CNTNAP5: variants seen among roughly 807,000 people sequenced by gnomAD.
CNTNAP5 encodes the protein contactin associated protein family member 5.
A neutral mutation model predicts 150.2 loss-of-function variants in CNTNAP5; 72 were observed. That is an observed-to-expected ratio of 0.48 (90% CI 0.40 to 0.58). CNTNAP5 has a LOEUF of 0.58. CNTNAP5 is among the 20% of genes least tolerant of loss of function. CNTNAP5 has a pLI of 0.00. For missense variants in CNTNAP5, 1,636 were observed against 1,626.2 expected (o/e 1.01, Z -0.10); for synonymous variants, 672 against 619.8 (o/e 1.08, Z -1.25).
chr2:124,776,050 C>T (rs1269721337), intron 17 of CNTNAP5, among the ~76,000 whole-genome samples: 1 of 152,256 alleles, frequency 6.6e-6, no homozygotes, highest in East Asian at 1.9e-4. Flanking sequence ...TGTAACTGAT[C>T]TTCTAAGGCT....
chr2:124,790,991 G>A (rs1034644312), intron 18 of CNTNAP5, among the ~76,000 whole-genome samples: 2 of 152,168 alleles, frequency 1.3e-5, no homozygotes, highest in African/African-American at 4.8e-5. Context: ...AGTAAATAAT[G>A]TAAACAATAT....
intron 11 of CNTNAP5, among the ~76,000 whole-genome samples, chr2:124,587,394 C>T (rs1351852852): frequency 3.3e-5 from 5 of 151,914 alleles, no homozygotes; most frequent in African/African-American, 9.7e-5. Flanking sequence ...ATTTTTTGCC[C>T]CAGAAGGAAG....
chr2:124,574,297 G>A (rs1696228116), intron 11 of CNTNAP5, among the ~76,000 whole-genome samples: 1 of 152,164 alleles, frequency 6.6e-6, no homozygotes, highest in South Asian at 2.1e-4. Context: ...CATGAATACT[G>A]TGTGGATTAT....
Position 124,510,477 on chromosome 2 carries a change from GTATATATATATATATATA to G in CNTNAP5, c.1327+5946_1327+5963del, listed in dbSNP as rs70996072. Reference sequence around the variant, plus strand: ...ACAAAAAAGTAAATTTTATGTATGTGTATATATATATATATATATATATATATATATATATATATATAC... The same window carrying G: ...ACAAAAAAGTAAATTTTATGTATGTGTATATATATATATATATATATATAC... On this transcript the variant is annotated intron_variant, in intron 8 of 23. Coordinates refer to ENST00000682447, the MANE Select transcript of CNTNAP5 (RefSeq NM_001367498.1). Among the ~76,000 whole-genome samples, 35 of 102,596 alleles carry G rather than the reference GTATATATATATATATATA, an allele frequency of 3.4e-4. 1 individual carries two copies. The highest frequency in any genetic ancestry group is 5.9e-4 in the African/African-American group (15 of 25,274). 67.3% of individuals were successfully genotyped at this position (102,596 alleles called of 152,430 possible).
chr2:124,914,228 C>T lies in CNTNAP5; in HGVS notation c.3864C>T (p.Phe1288=). ...KEYPENLDSS[F]RNEIDLQNTV... Reference sequence around the variant, plus strand: ...ATCCAGAAAATTTGGACAGTTCCTTCAGAAATGAAATTGACTTGCAAAACA... The same window carrying T: ...ATCCAGAAAATTTGGACAGTTCCTTTAGAAATGAAATTGACTTGCAAAACA... The change falls in exon 24 of 24, where the codon TTC becomes TTT. Residue 1288 remains phenylalanine (F), a synonymous_variant. Coordinates refer to ENST00000682447, the MANE Select transcript of CNTNAP5 (RefSeq NM_001367498.1). 6.2e-7 allele frequency: 1 copy of T among 1,612,512 alleles called. No homozygotes were observed.
chr2:124,052,292 T>C, intron 1 of CNTNAP5, among the ~76,000 whole-genome samples: 1 of 152,184 alleles, frequency 6.6e-6, no homozygotes, highest in East Asian at 1.9e-4. Context: ...TAGTATTGAC[T>C]GAAAGACCAA....
At chr2:124,377,693 G>T (rs78313552) in intron 3 of CNTNAP5, among the ~76,000 whole-genome samples, 117 of 143,616 alleles carry the variant, frequency 8.1e-4, no homozygotes, top group Non-Finnish European at 1.5e-3. Context: ...AAAAAAAAAA[G>T]AAAAAAAAAT....
chr2:124,845,305 C>T (rs1353588176), intron 19 of CNTNAP5, among the ~76,000 whole-genome samples: 1 of 151,982 alleles, frequency 6.6e-6, no homozygotes, highest in Non-Finnish European at 1.5e-5. Context: ...TCTGTTAAAC[C>T]ATCCCTGCAT....
At chr2:124,338,064 C>T (rs189291657) in intron 3 of CNTNAP5, among the ~76,000 whole-genome samples, 4,550 of 152,020 alleles carry the variant, frequency 0.03, 146 homozygotes, top group Non-Finnish European at 0.043. Flanking sequence ...TGTAGTTCTC[C>T]TTGAAGAGGT....
chr2:124,357,002 A>G (rs1690029664), intron 3 of CNTNAP5, among the ~76,000 whole-genome samples: 1 of 152,080 alleles, frequency 6.6e-6, no homozygotes, highest in Non-Finnish European at 1.5e-5. Flanking sequence ...TGCCATTCTA[A>G]CTGGTGTGAG....
At chr2:124,424,296 G>A (rs1010606067) in intron 4 of CNTNAP5, among the ~76,000 whole-genome samples, 1 of 152,078 alleles carries the variant, frequency 6.6e-6, no homozygotes, top group African/African-American at 2.4e-5. Context: ...ACATGCTAAG[G>A]CCCATACAGC....
chr2:124,330,343 T>C (rs752771898), intron 3 of CNTNAP5, among the ~76,000 whole-genome samples: 1 of 152,200 alleles, frequency 6.6e-6, no homozygotes, highest in Non-Finnish European at 1.5e-5. Flanking sequence ...AATAACTATA[T>C]TGCCATAATA....
At chr2:124,804,343 C>A in intron 19 of CNTNAP5, among the ~76,000 whole-genome samples, 1 of 152,158 alleles carries the variant, frequency 6.6e-6, no homozygotes, top group Non-Finnish European at 1.5e-5. Flanking sequence ...GAAACAGTGG[C>A]ATGCTTAGTA....
At chr2:124,210,331 G>C (rs1004796602) in intron 1 of CNTNAP5, among the ~76,000 whole-genome samples, 1 of 152,160 alleles carries the variant, frequency 6.6e-6, no homozygotes, top group Non-Finnish European at 1.5e-5. Flanking sequence ...TTTTCTGCAT[G>C]ATATAAAGAT....
intron 1 of CNTNAP5, among the ~76,000 whole-genome samples, chr2:124,069,182 T>A (rs1397825469): frequency 6.6e-6 from 1 of 151,848 alleles, no homozygotes; most frequent in East Asian, 1.9e-4. Flanking sequence ...GAACCCTGAG[T>A]GAACATTAGC....
At chr2:124,891,632 T>C (rs1232434478) in intron 21 of CNTNAP5, among the ~76,000 whole-genome samples, 1 of 152,122 alleles carries the variant, frequency 6.6e-6, no homozygotes, top group Non-Finnish European at 1.5e-5. Flanking sequence ...AAACCTGTTC[T>C]AAAGGGGAAA....
At chr2:124,225,169 A>G (rs905929461) in intron 2 of CNTNAP5, among the ~76,000 whole-genome samples, 2 of 152,118 alleles carry the variant, frequency 1.3e-5, no homozygotes, top group African/African-American at 4.8e-5. Flanking sequence ...GGCAGCGCAC[A>G]ACTAAAAATT....
intron 3 of CNTNAP5, among the ~76,000 whole-genome samples, chr2:124,268,947 G>A (rs191663688): frequency 8.1e-4 from 123 of 152,140 alleles, no homozygotes; most frequent in African/African-American, 2.7e-3. Flanking sequence ...TTCCAAGTTC[G>A]CTCATAGCCT....
intron 8 of CNTNAP5, among the ~76,000 whole-genome samples, chr2:124,522,931 T>G (rs1007896388): frequency 6.6e-6 from 1 of 152,250 alleles, no homozygotes. Context: ...CTTTCTTCTC[T>G]GCTCACATAT....
Sources: gnomAD v4.1 joint callset for allele counts (sites outside exome capture counted in the v4.1 genomes callset) on GRCh38, gnomAD v4.1.1 for gene constraint, MANE v1.5 for transcripts, NCBI Gene and HGNC (gene_info 2026-07-23, HGNC 2026-07-21) for gene names.